Variants in DCPS observed in about 807,000 individuals in gnomAD.
The protein encoded by DCPS is m7GpppX diphosphatase.
In DCPS, 27 loss-of-function variants were observed where a neutral mutation model predicts 34.7. The ratio of observed to expected loss-of-function variants is 0.78; its 90% CI spans 0.57 to 1.07. DCPS has a LOEUF of 1.07. Ranked by LOEUF, DCPS falls within the 50% of genes least tolerant of loss-of-function variation. The pLI is 0.00. For missense variants in DCPS, 464 were observed against 436.9 expected, an observed-to-expected ratio of 1.06 and a Z score of -0.55; for synonymous variants, 185 against 185.7, an observed-to-expected ratio of 1.00 and a Z score of 0.03.
At chr11:126,307,746 G>T (rs1408430989) in intron 2 of DCPS, among the ~76,000 whole-genome samples, 2 of 152,176 alleles carry the variant, frequency 1.3e-5, no homozygotes. Context: ...GATAAAAATT[G>T]TCAACAACAC....
In DCPS at chr11:126,334,144, C is replaced by G. The variant is rs549720056; in HGVS notation, c.522+2594C>G. Reference sequence around the variant, plus strand: ...TGGATGGGGCTTAGCAACTGATTGACGTGCAGAGGGGAGGGAAGAGGTTGG... The same window carrying G: ...TGGATGGGGCTTAGCAACTGATTGAGGTGCAGAGGGGAGGGAAGAGGTTGG... On this transcript the variant is annotated intron_variant, in intron 3 of 5. Transcript: ENST00000263579. The surrounding 1 kb of genome is among the most constrained non-coding windows in gnomAD (Gnocchi z 5.5). Among the ~76,000 whole-genome samples the G allele has an allele frequency of 6.6e-6, 1 of 151,804 alleles. No individual in the cohort carries two copies. The highest frequency in any genetic ancestry group is 1.5e-5 in the Non-Finnish European group (1 of 67,962).
At chr11:126,326,561 A>T (rs900419887) in intron 2 of DCPS, among the ~76,000 whole-genome samples, 1 of 152,316 alleles carries the variant, frequency 6.6e-6, no homozygotes, top group East Asian at 1.9e-4. Context: ...CTTAAAAAAA[A>T]TTTTCCTACT....
chr11:126,335,640 G>A lies in DCPS; in HGVS notation c.523-2646G>A, dbSNP rs1353016227. On this transcript the variant is annotated intron_variant, in intron 3 of 5. Transcript: ENST00000263579. This position sits in a 1 kb window ranked among gnomAD's most constrained non-coding sequence, Gnocchi z 4.8. ...TGCATTCTTCTTAACTGTAAAATGG[G>A]GACAATGTCCAGGCGCGGTGGCTTA... 6.6e-6 allele frequency among the ~76,000 whole-genome samples: 1 copy of A among 152,150 alleles called. No homozygotes were observed. The highest frequency in any genetic ancestry group is 1.5e-5 in the Non-Finnish European group (1 of 68,032).
chr11:126,340,431 C>T (rs56940681), intron 4 of DCPS, among the ~76,000 whole-genome samples: 3,502 of 152,180 alleles, frequency 0.023, 120 homozygotes, highest in African/African-American at 0.079. Flanking sequence ...AAGCAATTCT[C>T]GTGCCTCAGC....
chr11:126,345,750 C>G lies in DCPS; in HGVS notation c.*137C>G. 1 of 1,352,438 alleles carries G rather than the reference C, an allele frequency of 7.4e-7. No individual in the cohort carries two copies. Among genetic ancestry groups the G allele is most frequent in the Admixed American group, 2.3e-5 (1 of 43,256 alleles). 83.8% of individuals were successfully genotyped at this position (1,352,438 alleles called of 1,614,324 possible). A position where few individuals can be genotyped will look rare whatever the true frequency, so the allele number is the denominator to read the frequency against. On this transcript the variant is annotated 3_prime_UTR_variant, in exon 6 of 6. Transcript: ENST00000263579. This position sits in a 1 kb window ranked among gnomAD's most constrained non-coding sequence, Gnocchi z 7.4. ...AGTATTGAATAAACTAGCGGGCTCA[C>G]TCAGTGTGGACAGCGTGGCCTGGGA...
At position 126,348,050 on chromosome 11, in the gene DCPS, G is replaced by A. The variant is rs566461838; in HGVS notation, c.*2437G>A. ...CCTTCCCCTCATCTCGTAGCGCCTG[G>A]CCCCTGGAGGAAGGTGGGTAGGAAT... On this transcript the variant is annotated 3_prime_UTR_variant, in exon 6 of 6. Coordinates refer to ENST00000263579, the MANE Select transcript of DCPS (RefSeq NM_014026.6). This position sits in a 1 kb window ranked among gnomAD's most constrained non-coding sequence, Gnocchi z 5.3. Among the ~76,000 whole-genome samples, 2 of 152,116 alleles carry A rather than the reference G, an allele frequency of 1.3e-5. No individual in the cohort carries two copies. Among genetic ancestry groups the A allele is most frequent in the South Asian group, 4.2e-4 (2 of 4,810 alleles).
At chr11:126,307,889 G>T (rs142684876) in intron 2 of DCPS, among the ~76,000 whole-genome samples, 222 of 152,318 alleles carry the variant, frequency 1.5e-3, no homozygotes, top group African/African-American at 5.2e-3. Context: ...AAATCACACA[G>T]CCAGTAGGTG....
Position 126,331,607 on chromosome 11 carries a change from T to C in DCPS, c.522+57T>C. 1 of 1,594,852 alleles carries C rather than the reference T, an allele frequency of 6.3e-7. No homozygotes were observed. Among genetic ancestry groups the C allele is most frequent in the Non-Finnish European group, 8.5e-7 (1 of 1,170,572 alleles). Reference sequence around the variant, plus strand: ...CTGCTCCCGTGGCTGGTGCCTCCTCTTACGAGTGTCTATTGGGGTCATATT... The same window carrying C: ...CTGCTCCCGTGGCTGGTGCCTCCTCCTACGAGTGTCTATTGGGGTCATATT... On this transcript the variant is annotated intron_variant, in intron 3 of 5. Transcript: ENST00000263579. The surrounding 1 kb of genome is among the most constrained non-coding windows in gnomAD (Gnocchi z 7.2).
chr11:126,307,671 T>C (rs1045095706), intron 2 of DCPS, among the ~76,000 whole-genome samples: 1 of 152,152 alleles, frequency 6.6e-6, no homozygotes, highest in African/African-American at 2.4e-5. Context: ...CCTCCCAAAG[T>C]GCTGGGATTA....
intron 2 of DCPS, among the ~76,000 whole-genome samples, chr11:126,317,199 T>G (rs928746206): frequency 2.0e-5 from 3 of 151,300 alleles, no homozygotes; most frequent in African/African-American, 7.4e-5. Context: ...GACCTCGTGA[T>G]CCACCCTCCT....
chr11:126,346,768 A>G lies in DCPS; in HGVS notation c.*1155A>G, dbSNP rs372538869. ...ACTCTCCATCCCCTGCCTGAGAACC[A>G]GGAAGCCTCATTCAGAGATTAGCCC... On this transcript the variant is annotated 3_prime_UTR_variant, in exon 6 of 6. Transcript: ENST00000263579. This position sits in a 1 kb window ranked among gnomAD's most constrained non-coding sequence, Gnocchi z 4.1. 1.1e-4 allele frequency among the ~76,000 whole-genome samples: 16 copies of G among 152,326 alleles called. No individual in the cohort carries two copies. The highest frequency in any genetic ancestry group is 9.7e-4 in the East Asian group (5 of 5,176).
intron 4 of DCPS, chr11:126,341,900 C>G (rs1022179007): frequency 5.3e-5 from 8 of 152,250 alleles, no homozygotes; most frequent in African/African-American, 1.2e-4. Flanking sequence ...AACACAGATT[C>G]TTAGAACTCT....
intron 1 of DCPS, 47 bp downstream of exon 1, chr11:126,304,328 A>G (rs1188920133): frequency 6.3e-7 from 1 of 1,597,620 alleles, no homozygotes; most frequent in South Asian, 1.1e-5. Flanking sequence ...CAGTGAACCA[A>G]TCATCGCCTC....
At chr11:126,311,723 A>G (rs888736895) in intron 2 of DCPS, among the ~76,000 whole-genome samples, 2 of 152,294 alleles carry the variant, frequency 1.3e-5, no homozygotes, top group East Asian at 3.9e-4. Flanking sequence ...GGTGTGTACT[A>G]CAGATGAAGT....
At chr11:126,304,313 G>GGAAGCAGTGA (rs1262561924) in intron 1 of DCPS, 32 bp downstream of exon 1, 8 of 1,612,136 alleles carry the variant, frequency 5.0e-6, no homozygotes, top group African/African-American at 1.3e-5. Context: ...GTGGGATGCG[G>GGAAGCAGTGA]GAAGCAGTGA....
rs547067488 is a variant in DCPS at position 126,333,345 on chromosome 11, G to T, written c.522+1795G>T. On this transcript the variant is annotated intron_variant, in intron 3 of 5. Transcript: ENST00000263579. The surrounding 1 kb of genome is among the most constrained non-coding windows in gnomAD (Gnocchi z 5.7). Reference sequence around the variant, plus strand: ...TACTATGGACCTGGTCCTATGCCAGGCTTTGGAGAGTCACCAAGATGATGA... The same window carrying T: ...TACTATGGACCTGGTCCTATGCCAGTCTTTGGAGAGTCACCAAGATGATGA... 6.6e-6 allele frequency among the ~76,000 whole-genome samples: 1 copy of T among 152,318 alleles called. No individual in the cohort carries two copies. Among genetic ancestry groups the T allele is most frequent in the African/African-American group, 2.4e-5 (1 of 41,570 alleles).
At chr11:126,340,051 G>A (rs1412335944) in intron 4 of DCPS, among the ~76,000 whole-genome samples, 1 of 152,200 alleles carries the variant, frequency 6.6e-6, no homozygotes, top group African/African-American at 2.4e-5. Context: ...TTGTCCGTCT[G>A]TATTCCAGAA....
chr11:126,306,549 T>C, intron 1 of DCPS, 21 bp from the exon 2 acceptor site: 1 of 1,582,166 alleles, frequency 6.3e-7, no homozygotes, highest in South Asian at 1.1e-5. Context: ...TTGAGCCCAC[T>C]GATGATGCCT....
Position 126,342,243 on chromosome 11 carries a change from C to G in DCPS, c.637-1064C>G, listed in dbSNP as rs1337537269. ...GTTCATTTGCTCTCTGGCACAAGATCTTGACTTTGATTCTTTGTACTGTTG... is the reference window on the plus strand; with the variant it reads ...GTTCATTTGCTCTCTGGCACAAGATGTTGACTTTGATTCTTTGTACTGTTG... On this transcript the variant is annotated intron_variant, in intron 4 of 5. Transcript: ENST00000263579. The surrounding 1 kb of genome is among the most constrained non-coding windows in gnomAD (Gnocchi z 4.4). 1 of 152,284 alleles carries G rather than the reference C, an allele frequency of 6.6e-6. No homozygotes were observed. The highest frequency in any genetic ancestry group is 1.5e-5 in the Non-Finnish European group (1 of 68,102). The allele number at this position is 152,284 out of a possible 1,614,324, so 9.4% of individuals were successfully genotyped here.
Sources: gnomAD v4.1 joint callset for allele counts (sites outside exome capture counted in the v4.1 genomes callset) on GRCh38, gnomAD v4.1.1 for gene constraint, Gnocchi (gnomAD v3.1) non-coding constraint, MANE v1.5 for transcripts, NCBI Gene and HGNC (gene_info 2026-07-23, HGNC 2026-07-21) for gene names.